The following SNTB1 variants were observed in gnomAD, a reference collection of about 807,000 sequenced individuals.
SNTB1 encodes the protein syntrophin beta 1, also known as beta-1-syntrophin.
In SNTB1, 36 loss-of-function variants were observed where a neutral mutation model predicts 48.9. The ratio of observed to expected loss-of-function variants is 0.74; its 90% CI spans 0.56 to 0.97. The LOEUF is 0.97. SNTB1 is among the 50% of genes least tolerant of loss of function. The probability of loss-of-function intolerance (pLI) is 0.00; values close to 1 mark genes in which losing one functional copy is unlikely to be tolerated. For synonymous variants in SNTB1, 299 were observed against 294.6 expected, an observed-to-expected ratio of 1.01 and a Z score of -0.15; for missense variants, 786 against 703.4, an observed-to-expected ratio of 1.12 and a Z score of -1.33.
At chr8:120,663,095 G>A (rs1423314132) in intron 2 of SNTB1, among the ~76,000 whole-genome samples, 1 of 152,038 alleles carries the variant, frequency 6.6e-6, no homozygotes, top group Non-Finnish European at 1.5e-5. Flanking sequence ...GCATAGCACA[G>A]AAGTTAGAAT....
intron 4 of SNTB1, among the ~76,000 whole-genome samples, chr8:120,573,051 T>G (rs1327952868): frequency 6.6e-6 from 1 of 152,232 alleles, no homozygotes; most frequent in Non-Finnish European, 1.5e-5. Flanking sequence ...AGAAGTGGGA[T>G]TGCTAGCTCA....
At chr8:120,575,945 C>T (rs895211095) in intron 3 of SNTB1, among the ~76,000 whole-genome samples, 1 of 152,218 alleles carries the variant, frequency 6.6e-6, no homozygotes, top group Non-Finnish European at 1.5e-5. Flanking sequence ...TCCCCTTGGC[C>T]TGGTGTTTGC....
At chr8:120,622,909 G>A (rs1226818477) in intron 3 of SNTB1, among the ~76,000 whole-genome samples, 1 of 152,128 alleles carries the variant, frequency 6.6e-6, no homozygotes, top group African/African-American at 2.4e-5. Flanking sequence ...CTAGAGAATT[G>A]CCCTTGGCTG....
chr8:120,597,452 G>A (rs912619503), intron 3 of SNTB1, among the ~76,000 whole-genome samples: 4 of 152,226 alleles, frequency 2.6e-5, no homozygotes, highest in African/African-American at 7.2e-5. Context: ...TTATAAGCAC[G>A]TGTGATTTGC....
In SNTB1 at chr8:120,577,617, T is replaced by C. The variant is rs550397839; in HGVS notation, c.997-2392A>G. On this transcript the variant is annotated intron_variant, in intron 3 of 6. Coordinates refer to ENST00000517992, the MANE Select transcript of SNTB1 (RefSeq NM_021021.4). ...AATGATCCTCCCAAAGTGACTAGCT[T>C]ACTTACCTAGTCAGATGCAATCCAT... Among the ~76,000 whole-genome samples, 12 of 152,330 alleles carry C rather than the reference T, an allele frequency of 7.9e-5. No homozygotes were observed. The South Asian group carries it at 2.5e-3, about 32-fold the overall frequency.
intron 2 of SNTB1, among the ~76,000 whole-genome samples, chr8:120,642,497 G>A (rs1018424225): frequency 7.2e-5 from 11 of 152,190 alleles, no homozygotes; most frequent in African/African-American, 2.4e-4. Flanking sequence ...AGGCTAAGCT[G>A]GAGCCCCTAA....
At chr8:120,627,325 T>A (rs1251509466) in intron 3 of SNTB1, among the ~76,000 whole-genome samples, 1 of 152,042 alleles carries the variant, frequency 6.6e-6, no homozygotes, top group Non-Finnish European at 1.5e-5. Context: ...CATGGATATG[T>A]GTGTGTGTGT....
At chr8:120,633,622 A>ATAAAATAAAG (rs1416477308) in intron 2 of SNTB1, among the ~76,000 whole-genome samples, 2 of 152,160 alleles carry the variant, frequency 1.3e-5, no homozygotes, top group African/African-American at 4.8e-5. Flanking sequence ...ATAAAATAAA[A>ATAAAATAAAG]TAAATTAAAA....
chr8:120,603,623 C>A (rs1226095908), intron 3 of SNTB1, among the ~76,000 whole-genome samples: 2 of 152,132 alleles, frequency 1.3e-5, no homozygotes, highest in Non-Finnish European at 2.9e-5. Context: ...TCCAACAAGT[C>A]CTCCAGGCAA....
intron 2 of SNTB1, among the ~76,000 whole-genome samples, chr8:120,641,530 T>C (rs186639345): frequency 6.6e-6 from 1 of 152,214 alleles, no homozygotes; most frequent in African/African-American, 2.4e-5. Flanking sequence ...GTTGCCAGCA[T>C]GGCCCTAGGA....
At chr8:120,726,570 T>A (rs1303193515) in intron 1 of SNTB1, among the ~76,000 whole-genome samples, 2 of 152,168 alleles carry the variant, frequency 1.3e-5, no homozygotes, top group Non-Finnish European at 2.9e-5. Context: ...TGTTTAAATA[T>A]CATTACCAGG....
At chr8:120,804,663 A>G (rs1820296668) in intron 1 of SNTB1, among the ~76,000 whole-genome samples, 1 of 152,196 alleles carries the variant, frequency 6.6e-6, no homozygotes, top group Non-Finnish European at 1.5e-5. Flanking sequence ...AAAACTGAGC[A>G]TGACATTTCC....
chr8:120,645,459 AG>A (rs1817275521), intron 2 of SNTB1, among the ~76,000 whole-genome samples: 1 of 151,724 alleles, frequency 6.6e-6, no homozygotes, highest in South Asian at 2.1e-4. Context: ...GGTTTGTCAA[AG>A]ATCAGATAGT....
At position 120,562,555 on chromosome 8, in the gene SNTB1, A is replaced by G. The variant is rs559420434; in HGVS notation, c.1136+12531T>C. On this transcript the variant is annotated intron_variant, in intron 4 of 6. Coordinates refer to ENST00000517992, the MANE Select transcript of SNTB1 (RefSeq NM_021021.4). ...CACTTTTCAGTTTGACAGCATGTAG[A>G]TTATTGGGCATGTAAATTTCTTCAT... Among the ~76,000 whole-genome samples the G allele has an allele frequency of 8.5e-4, 129 of 152,258 alleles. 1 individual carries two copies. The highest frequency in any genetic ancestry group is 1.4e-3 in the Non-Finnish European group (95 of 68,022).
chr8:120,579,132 G>A (rs746125059), intron 3 of SNTB1, among the ~76,000 whole-genome samples: 3 of 152,224 alleles, frequency 2.0e-5, no homozygotes, highest in Non-Finnish European at 2.9e-5. Flanking sequence ...AGCCAAGATC[G>A]CGCCATTGCA....
At chr8:120,785,931 G>C (rs964671690) in intron 1 of SNTB1, among the ~76,000 whole-genome samples, 1 of 152,220 alleles carries the variant, frequency 6.6e-6, no homozygotes, top group Non-Finnish European at 1.5e-5. Context: ...TAACCAGGAG[G>C]TCTTGAGTCT....
intron 3 of SNTB1, among the ~76,000 whole-genome samples, chr8:120,606,403 G>GTA (rs1447318274): frequency 1.2e-5 from 1 of 81,300 alleles, no homozygotes; most frequent in South Asian, 4.2e-4. Context: ...GTGCGTGTGT[G>GTA]TATATATGTG....
intron 4 of SNTB1, among the ~76,000 whole-genome samples, chr8:120,557,027 C>T (rs1405736750): frequency 1.3e-5 from 2 of 152,108 alleles, no homozygotes; most frequent in Non-Finnish European, 2.9e-5. Context: ...GCCATGTCTA[C>T]TGCAAAGGAG....
intron 4 of SNTB1, among the ~76,000 whole-genome samples, chr8:120,557,533 C>T (rs907768309): frequency 6.6e-6 from 1 of 152,192 alleles, no homozygotes; most frequent in Admixed American, 6.5e-5. Context: ...GGAAAACAAA[C>T]TTCTGTTGCC....
Sources: allele counts gnomAD v4.1 joint callset (sites outside exome capture counted in the v4.1 genomes callset), GRCh38; gene constraint gnomAD v4.1.1; transcripts MANE v1.5; gene names NCBI Gene and HGNC (gene_info 2026-07-23, HGNC 2026-07-21).